TADA1: variants seen among roughly 807,000 people sequenced by gnomAD.
TADA1 encodes transcriptional adaptor 1.
A neutral mutation model predicts 39.3 loss-of-function variants in TADA1; 23 were observed. That is an observed-to-expected ratio of 0.58 (90% CI 0.42 to 0.83). The LOEUF is 0.83. Ranked by LOEUF, TADA1 falls within the 40% of genes least tolerant of loss-of-function variation. The pLI is 0.00. For synonymous variants in TADA1, 137 were observed against 151.8 expected (o/e 0.90, Z 0.72); for missense variants, 352 against 408.1 (o/e 0.86, Z 1.18).
At chr1:166,874,293 T>A (rs1658719135) in intron 1 of TADA1, among the ~76,000 whole-genome samples, 1 of 150,098 alleles carries the variant, frequency 6.7e-6, no homozygotes, top group Non-Finnish European at 1.5e-5. Flanking sequence ...TGAGCGGAGA[T>A]CATGCCACTG....
intron 1 of TADA1, among the ~76,000 whole-genome samples, chr1:166,875,736 C>T (rs1658748852): frequency 6.6e-6 from 1 of 152,266 alleles, no homozygotes; most frequent in African/African-American, 2.4e-5. Context: ...AACAGGCCTC[C>T]ACCTCCAGGA....
In TADA1 at chr1:166,863,917, A is replaced by T. The variant is rs771604117; in HGVS notation, c.237T>A (p.Gly79=). 5 of 1,605,842 alleles carry T rather than the reference A, an allele frequency of 3.1e-6. No homozygotes were observed. The part of the protein sequence containing the change: ...RCQILVSTPD[G]AGSLPWPGGS... ...CCCCTGGCCAAGGCAAAGATCCAGCACCATCTAGGAGACAGAAATATATAA... is the reference window on the plus strand; with the variant it reads ...CCCCTGGCCAAGGCAAAGATCCAGCTCCATCTAGGAGACAGAAATATATAA... The change falls in exon 4 of 8, where the codon GGT becomes GGA. Residue 79 remains glycine, a synonymous_variant. Transcript: ENST00000367874.
chr1:166,863,761 G>A (rs746521329), intron 4 of TADA1, 63 bp downstream of exon 4: 1 of 1,420,546 alleles, frequency 7.0e-7, no homozygotes, highest in South Asian at 1.2e-5. Flanking sequence ...AAAAACTAAA[G>A]CTAGTCCCAA....
At chr1:166,864,085 C>A (rs991595083) in intron 3 of TADA1, among the ~76,000 whole-genome samples, 164 bp from the exon 4 acceptor site, 1 of 152,170 alleles carries the variant, frequency 6.6e-6, no homozygotes, top group Non-Finnish European at 1.5e-5. Flanking sequence ...ATAAAATTAT[C>A]GATCCTCTCA....
At chr1:166,857,900 G>A (rs2101784700) in intron 7 of TADA1, among the ~76,000 whole-genome samples, 181 bp from the exon 8 acceptor site, 1 of 152,270 alleles carries the variant, frequency 6.6e-6, no homozygotes, top group East Asian at 1.9e-4. Flanking sequence ...AGGAATAGCA[G>A]AACAAGGGAT....
chr1:166,876,243 T>C lies in TADA1; in HGVS notation c.-10A>G, dbSNP rs768501357. On this transcript the variant is annotated 5_prime_UTR_variant, in exon 1 of 8. Coordinates refer to ENST00000367874, the MANE Select transcript of TADA1 (RefSeq NM_053053.4). ...TCACAAAGGTCGCCATTGCTCCGCG[T>C]GTCTCAGCCCGACCGCAGACCGCCC... is the stretch of plus-strand genomic sequence containing the variant. The C allele has an allele frequency of 6.2e-7, 1 of 1,612,662 alleles. No individual in the cohort carries two copies. Among genetic ancestry groups the C allele is most frequent in the Non-Finnish European group, 8.5e-7 (1 of 1,179,478 alleles).
intron 1 of TADA1, among the ~76,000 whole-genome samples, chr1:166,874,315 G>A (rs1658719480): frequency 6.6e-6 from 1 of 151,496 alleles, no homozygotes; most frequent in South Asian, 2.1e-4. Context: ...ACCCCAGCCT[G>A]GACGACAGAG....
At chr1:166,875,712 G>A (rs1238314817) in intron 1 of TADA1, among the ~76,000 whole-genome samples, 1 of 152,226 alleles carries the variant, frequency 6.6e-6, no homozygotes, top group Non-Finnish European at 1.5e-5. Flanking sequence ...ATCCGTAGCA[G>A]ATCACACCAG....
At chr1:166,862,937 T>A in intron 4 of TADA1, 1 of 158,738 alleles carries the variant, frequency 6.3e-6, no homozygotes, top group Admixed American at 6.1e-5. Context: ...GAACCTAAGA[T>A]ACAGTCATGA....
At chr1:166,869,333 C>T in intron 3 of TADA1, 112 bp downstream of exon 3, 1 of 767,734 alleles carries the variant, frequency 1.3e-6, no homozygotes, top group Non-Finnish European at 2.1e-6. Context: ...AACTTTTCTT[C>T]TGAGTAGTTC....
At chr1:166,870,769 C>T (rs1217264080) in intron 1 of TADA1, among the ~76,000 whole-genome samples, 1 of 152,088 alleles carries the variant, frequency 6.6e-6, no homozygotes, top group Non-Finnish European at 1.5e-5. Flanking sequence ...GTCAGGGCTG[C>T]GGCGAGCCAT....
chr1:166,857,715 T>C lies in TADA1; in HGVS notation c.860A>G (p.His287Arg). Residue 287 changes from histidine (H) to arginine (R), a missense_variant, in exon 8 of 8, where the codon CAC becomes CGC. His to Arg is a conservative substitution (Grantham distance 29, BLOSUM62 0). Transcript: ENST00000367874. ...AGTATGTGTAGGGATGACTTCCCTG[T>C]GCACCTGGGATTAAAAAATTAACGC... ...MYDLFEALQV[H>R]REVIPTHTVY... is the part of the protein sequence containing the mutation. 6.2e-7 allele frequency: 1 copy of C among 1,610,002 alleles called. No homozygotes were observed. Among genetic ancestry groups the C allele is most frequent in the Non-Finnish European group, 8.5e-7 (1 of 1,177,992 alleles).
At chr1:166,876,050 A>C (rs1042316212) in intron 1 of TADA1, 110 bp downstream of exon 1, 1 of 1,086,820 alleles carries the variant, frequency 9.2e-7, no homozygotes, top group Non-Finnish European at 1.3e-6. Flanking sequence ...CGCGGACTCC[A>C]GGCTGCACAG....
At chr1:166,875,769 C>G (rs939493251) in intron 1 of TADA1, among the ~76,000 whole-genome samples, 1 of 152,182 alleles carries the variant, frequency 6.6e-6, no homozygotes, top group East Asian at 1.9e-4. Context: ...GCGGGCCGCC[C>G]TGCGCTATGC....
At chr1:166,875,235 T>C (rs1658736403) in intron 1 of TADA1, among the ~76,000 whole-genome samples, 2 of 152,220 alleles carry the variant, frequency 1.3e-5, no homozygotes, top group Admixed American at 6.5e-5. Flanking sequence ...AACAACGTTT[T>C]GAAAATTTCC....
intron 1 of TADA1, among the ~76,000 whole-genome samples, chr1:166,874,186 C>G (rs1571244085): frequency 6.6e-6 from 1 of 151,608 alleles, no homozygotes; most frequent in Middle Eastern, 3.4e-3. Context: ...ACTAAAAATA[C>G]AAAAATTAGC....
At chr1:166,860,714 G>A (rs901299679) in intron 5 of TADA1, among the ~76,000 whole-genome samples, 5 of 152,150 alleles carry the variant, frequency 3.3e-5, no homozygotes, top group African/African-American at 1.2e-4. Context: ...CTATTGCCCA[G>A]GCTGGAGTGC....
intron 5 of TADA1, among the ~76,000 whole-genome samples, chr1:166,860,642 G>C (rs1658384856): frequency 6.6e-6 from 1 of 152,088 alleles, no homozygotes; most frequent in African/African-American, 2.4e-5. Context: ...TCAAAAATGA[G>C]TTTTAGATGG....
At chr1:166,870,357 A>G (rs1658630279) in intron 1 of TADA1, among the ~76,000 whole-genome samples, 1 of 152,250 alleles carries the variant, frequency 6.6e-6, no homozygotes, top group South Asian at 2.1e-4. Context: ...GAAGGCTGTC[A>G]TCTATAGGAG....
Sources: gnomAD v4.1 joint callset for allele counts (sites outside exome capture counted in the v4.1 genomes callset) on GRCh38, gnomAD v4.1.1 for gene constraint, MANE v1.5 for transcripts, NCBI Gene and HGNC (gene_info 2026-07-23, HGNC 2026-07-21) for gene names.